LAMA2: variants seen among roughly 807,000 people sequenced by gnomAD.
The protein encoded by LAMA2 is laminin subunit alpha 2, also known as laminin subunit alpha-2.
In LAMA2, 269 loss-of-function variants were observed where a neutral mutation model predicts 364.8. That is an observed-to-expected ratio of 0.74 (90% CI 0.67 to 0.82). The LOEUF is 0.82. LAMA2 is among the 40% of genes least tolerant of loss of function. LAMA2 has a pLI of 0.00. For synonymous variants in LAMA2, 1,379 were observed against 1,370.6 expected (o/e 1.01, Z -0.14); for missense variants, 3,807 against 3,873.2 (o/e 0.98, Z 0.45).
chr6:129,256,038 G>A (rs570171651), intron 14 of LAMA2, among the ~76,000 whole-genome samples: 38 of 152,258 alleles, frequency 2.5e-4, no homozygotes, highest in Middle Eastern at 3.4e-3. Flanking sequence ...GATTATCTCT[G>A]TAAATCTCAG....
intron 13 of LAMA2, 96 bp from the exon 14 acceptor site, chr6:129,251,988 T>C: frequency 1.3e-6 from 1 of 743,242 alleles, no homozygotes; most frequent in Non-Finnish European, 2.3e-6. Context: ...GTTAAAAGTC[T>C]ATTGAGGGTG....
At chr6:128,989,099 C>A (rs543425033) in intron 1 of LAMA2, among the ~76,000 whole-genome samples, 15 of 152,060 alleles carry the variant, frequency 9.9e-5, no homozygotes, top group Non-Finnish European at 1.5e-4. Context: ...TTCTCTAATT[C>A]TGTAAGTTAA....
chr6:129,219,963 G>A (rs1336596143), intron 12 of LAMA2, among the ~76,000 whole-genome samples: 1 of 151,326 alleles, frequency 6.6e-6, no homozygotes, highest in African/African-American at 2.4e-5. Context: ...AAAACTTAAA[G>A]TATAATAATA....
At chr6:129,071,902 C>T (rs1200119739) in intron 3 of LAMA2, among the ~76,000 whole-genome samples, 9 of 152,080 alleles carry the variant, frequency 5.9e-5, no homozygotes, top group African/African-American at 1.4e-4. Flanking sequence ...CCAAGGCAGG[C>T]GGATGGCTTG....
At chr6:129,270,540 C>A in intron 16 of LAMA2, 84 bp from the exon 17 acceptor site, 1 of 1,381,764 alleles carries the variant, frequency 7.2e-7, no homozygotes, top group Non-Finnish European at 1.0e-6. Context: ...AGGGAGCAGA[C>A]TAATGACTTC....
At chr6:129,341,737 C>A (rs1776278543) in intron 29 of LAMA2, among the ~76,000 whole-genome samples, 1 of 152,190 alleles carries the variant, frequency 6.6e-6, no homozygotes. Context: ...TGAAGCTATT[C>A]TCATTTCTTT....
At chr6:129,477,177 A>G (rs796910130) in intron 53 of LAMA2, among the ~76,000 whole-genome samples, 2 of 152,228 alleles carry the variant, frequency 1.3e-5, no homozygotes, top group African/African-American at 4.8e-5. Context: ...CACAAGTCAC[A>G]GTAGCTATTT....
chr6:129,244,984 G>A (rs990670546), intron 12 of LAMA2, among the ~76,000 whole-genome samples: 1 of 152,130 alleles, frequency 6.6e-6, no homozygotes, highest in African/African-American at 2.4e-5. Context: ...GTACTCATGG[G>A]AAACAGCTAC....
chr6:128,917,382 A>C (rs1289196453), intron 1 of LAMA2, among the ~76,000 whole-genome samples: 1 of 152,102 alleles, frequency 6.6e-6, no homozygotes, highest in Non-Finnish European at 1.5e-5. Flanking sequence ...CTCAATTAAA[A>C]GTCATTTTAT....
chr6:129,078,585 A>G (rs1454330419), intron 3 of LAMA2, among the ~76,000 whole-genome samples: 3 of 152,110 alleles, frequency 2.0e-5, no homozygotes, highest in Non-Finnish European at 4.4e-5. Flanking sequence ...AATGTTTAAC[A>G]CTTTGGACCA....
At chr6:129,300,507 T>C (rs1773483386) in intron 21 of LAMA2, among the ~76,000 whole-genome samples, 2 of 152,194 alleles carry the variant, frequency 1.3e-5, no homozygotes, top group South Asian at 4.1e-4. Flanking sequence ...ATACTTTAAC[T>C]TTTGAAATTA....
At chr6:129,169,025 T>A (rs1779955370) in intron 9 of LAMA2, among the ~76,000 whole-genome samples, 1 of 152,220 alleles carries the variant, frequency 6.6e-6, no homozygotes, top group Non-Finnish European at 1.5e-5. Context: ...TCCTGAGACT[T>A]TGCTGAAGTT....
At chr6:129,297,151 T>G (rs1456732336) in intron 20 of LAMA2, among the ~76,000 whole-genome samples, 1 of 152,184 alleles carries the variant, frequency 6.6e-6, no homozygotes, top group East Asian at 1.9e-4. Context: ...AAATTATATT[T>G]ATAATGTGAA....
At chr6:129,253,663 A>T (rs1786423400) in intron 14 of LAMA2, among the ~76,000 whole-genome samples, 1 of 152,244 alleles carries the variant, frequency 6.6e-6, no homozygotes, top group Admixed American at 6.5e-5. Context: ...TTTCAAAATG[A>T]ATGACAACCA....
rs1240386168 is a variant in LAMA2 at position 129,205,887 on chromosome 6, G to T, written c.1782+13034G>T. Among the ~76,000 whole-genome samples the T allele has an allele frequency of 3.3e-5, 5 of 152,000 alleles. No homozygotes were observed. The South Asian group carries it at 1.0e-3, about 32-fold the overall frequency. Reference sequence around the variant, plus strand: ...AAAAATACAAAAATTAGCGGGTGTGGTGGTGTGTGCATGTAGTCCCCACTA... The same window carrying T: ...AAAAATACAAAAATTAGCGGGTGTGTTGGTGTGTGCATGTAGTCCCCACTA... On this transcript the variant is annotated intron_variant, in intron 12 of 64. Coordinates refer to ENST00000421865, the MANE Select transcript of LAMA2 (RefSeq NM_000426.4).
intron 45 of LAMA2, among the ~76,000 whole-genome samples, chr6:129,450,476 C>G (rs939627199): frequency 6.6e-6 from 1 of 151,896 alleles, no homozygotes; most frequent in Non-Finnish European, 1.5e-5. Flanking sequence ...CATGCCACCA[C>G]CATGGCCGGC....
chr6:129,208,443 T>C (rs1782826734), intron 12 of LAMA2, among the ~76,000 whole-genome samples: 2 of 143,280 alleles, frequency 1.4e-5, no homozygotes, highest in Non-Finnish European at 3.0e-5. Context: ...TTAGAAAGAC[T>C]CCCCTCACAC....
chr6:129,381,485 G>T (rs552465918), intron 34 of LAMA2, among the ~76,000 whole-genome samples: 4 of 152,106 alleles, frequency 2.6e-5, no homozygotes, highest in Non-Finnish European at 5.9e-5. Flanking sequence ...GAGTATGTGT[G>T]TGTGTATGTG....
At chr6:129,008,317 T>TA (rs527999363) in intron 1 of LAMA2, among the ~76,000 whole-genome samples, 22 of 149,306 alleles carry the variant, frequency 1.5e-4, no homozygotes, top group South Asian at 1.1e-3. Context: ...CTGCTGAACT[T>TA]AAAAAAAAAA....
Sources: allele counts gnomAD v4.1 joint callset (sites outside exome capture counted in the v4.1 genomes callset), GRCh38; gene constraint gnomAD v4.1.1; transcripts MANE v1.5; gene names NCBI Gene and HGNC (gene_info 2026-07-23, HGNC 2026-07-21).